Variants in USP21 observed in about 807,000 individuals in gnomAD.
USP21 encodes ubiquitin carboxyl-terminal hydrolase 21.
In USP21, 37 loss-of-function variants were observed where a neutral mutation model predicts 70.8. That is an observed-to-expected ratio of 0.52 (90% confidence interval 0.40 to 0.69). USP21 has a LOEUF of 0.69. Among genes scored for constraint, USP21 ranks in the 30% least tolerant of loss-of-function variants. USP21 has a pLI of 0.00. For missense variants in USP21, 584 were observed against 740.8 expected (o/e 0.79, Z 2.46); for synonymous variants, 263 against 283.1 (o/e 0.93, Z 0.71).
In USP21 at chr1:161,161,143, C is replaced by A. The variant is rs1008016886; in HGVS notation, c.503C>A (p.Thr168Asn). The A allele has an allele frequency of 6.2e-7, 1 of 1,614,102 alleles. No individual in the cohort carries two copies. The highest frequency in any genetic ancestry group is 8.5e-7 in the Non-Finnish European group (1 of 1,179,956). Residue 168 changes from threonine to asparagine, a missense_variant, in exon 3 of 14, where the codon ACC becomes AAC. Around this residue, in one of 4 missense-constraint regions of USP21, gnomAD observed 284 missense variants for 281.0 expected, o/e 1.01. Transcript: ENST00000368002. This position sits in a 1 kb window ranked among gnomAD's most constrained non-coding sequence, Gnocchi z 4.2. ...RRLGGFPGPP[T>N]LFSIRTEPPA... is the part of the protein sequence containing the mutation. Reference sequence around the variant, plus strand: ...CTAGGGGGCTTTCCTGGACCCCCTACCCTGTTCAGCATACGGACAGAGCCC... The same window carrying A: ...CTAGGGGGCTTTCCTGGACCCCCTAACCTGTTCAGCATACGGACAGAGCCC...
Position 161,162,159 on chromosome 1 carries a change from G to A in USP21, c.660+62G>A. ...AATGTGAAATGGTGCTGGGGGTGGGGAAAACCCACGAGCTTGGGGAAGGCA... is the reference window on the plus strand; with the variant it reads ...AATGTGAAATGGTGCTGGGGGTGGGAAAAACCCACGAGCTTGGGGAAGGCA... On this transcript the variant is annotated intron_variant, in intron 4 of 13. Transcript: ENST00000368002. This position sits in a 1 kb window ranked among gnomAD's most constrained non-coding sequence, Gnocchi z 4.1. 6.2e-7 allele frequency: 1 copy of A among 1,613,042 alleles called. No homozygotes were observed. Among genetic ancestry groups the A allele is most frequent in the Non-Finnish European group, 8.5e-7 (1 of 1,179,044 alleles).
chr1:161,159,961 C>G (rs575136968), intron 1 of USP21, among the ~76,000 whole-genome samples: 60 of 152,344 alleles, frequency 3.9e-4, no homozygotes, highest in African/African-American at 1.4e-3. Context: ...TGTTCGTCCT[C>G]CATCCCCGAC....
chr1:161,163,937 A>G lies in USP21; in HGVS notation c.1174A>G (p.Thr392Ala). Residue 392 changes from threonine (T) to alanine (A), a missense_variant, in exon 9 of 14, where the codon ACG (threonine) becomes GCG (alanine). Around this residue, in one of 4 missense-constraint regions of USP21, gnomAD observed 173 missense variants for 268.2 expected, o/e 0.65. Transcript: ENST00000368002. ...GTGCCAGGCCTGTGGGTATCGCTCC[A>G]CGACCTTCGAGGTTTTTTGTGACCT... ...LKCQACGYRSTTFEVFCDLSL... is the reference protein window; with the variant it reads ...LKCQACGYRSATFEVFCDLSL... 1 of 1,614,104 alleles carries G rather than the reference A, an allele frequency of 6.2e-7. No homozygotes were observed. The highest frequency in any genetic ancestry group is 8.5e-7 in the Non-Finnish European group (1 of 1,180,024).
chr1:161,165,644 G>A lies in USP21; in HGVS notation c.*197G>A. ...CTTGTCTCCCAGCCCCATGTACAAA[G>A]CTCACCAAGCCCCTGCCCATGTACA... On this transcript the variant is annotated 3_prime_UTR_variant, in exon 14 of 14. Coordinates refer to ENST00000368002, the MANE Select transcript of USP21 (RefSeq NM_001014443.3). The A allele has an allele frequency of 5.4e-6, 3 of 558,802 alleles. No homozygotes were observed. The highest frequency in any genetic ancestry group is 9.6e-6 in the Non-Finnish European group (3 of 312,240). 34.6% of individuals were successfully genotyped at this position (558,802 alleles called of 1,614,324 possible).
Position 161,160,807 on chromosome 1 carries a change from C to G in USP21, c.167C>G (p.Pro56Arg). ...ATGTTACGACCTCTGCCTCCCCGGC[C>G]AGGTCTGCCTGATGAACGGCTCAAG... ...NPMLRPLPPR[P>R]GLPDERLKKL... The change falls in exon 3 of 14, where the codon CCA (proline) becomes CGA (arginine). Residue 56 changes from proline to arginine, a missense_variant. This residue lies in a region of USP21 where 284 missense variants were observed against 281.0 expected (regional missense o/e 1.01). Transcript: ENST00000368002. 1 of 1,614,250 alleles carries G rather than the reference C, an allele frequency of 6.2e-7. No individual in the cohort carries two copies. The highest frequency in any genetic ancestry group is 8.5e-7 in the Non-Finnish European group (1 of 1,180,054).
At chr1:161,165,276 A>G in intron 13 of USP21, 81 bp from the exon 14 acceptor site, 1 of 1,450,504 alleles carries the variant, frequency 6.9e-7, no homozygotes, top group South Asian at 1.1e-5. Flanking sequence ...CATTTCCTGG[A>G]TGCTCTGAGG....
At position 161,160,495 on chromosome 1, in the gene USP21, G is replaced by A. The variant is rs552527785; in HGVS notation, c.-33G>A. 157 of 1,028,420 alleles carry A rather than the reference G, an allele frequency of 1.5e-4. 2 individuals are homozygous for A. In the South Asian group the frequency reaches 2.2e-3, roughly 15 times the overall value. The allele number at this position is 1,028,420 out of a possible 1,614,324, so 63.7% of individuals were successfully genotyped here. A position where few individuals can be genotyped will look rare whatever the true frequency, so the allele number is the denominator to read the frequency against. On this transcript the variant is annotated 5_prime_UTR_variant, in exon 2 of 14. Coordinates refer to ENST00000368002, the MANE Select transcript of USP21 (RefSeq NM_001014443.3). Reference sequence around the variant, plus strand: ...CACCTAATGTGGAAATGAGAGGACAGCAAGATTGTGGGTATGGAATGGGGC... The same window carrying A: ...CACCTAATGTGGAAATGAGAGGACAACAAGATTGTGGGTATGGAATGGGGC...
rs1657935051 is a variant in USP21 at position 161,161,616 on chromosome 1, A to G, written c.600+376A>G. On this transcript the variant is annotated intron_variant, in intron 3 of 13. Coordinates refer to ENST00000368002, the MANE Select transcript of USP21 (RefSeq NM_001014443.3). The surrounding 1 kb of genome is among the most constrained non-coding windows in gnomAD (Gnocchi z 4.2). Reference sequence around the variant, plus strand: ...AACATCTTAGCAAACGTGGTTGCACATTTTCTGAGCTAAGTAAGCTAGGCT... The same window carrying G: ...AACATCTTAGCAAACGTGGTTGCACGTTTTCTGAGCTAAGTAAGCTAGGCT... 2.8e-6 allele frequency: 1 copy of G among 358,844 alleles called. No homozygotes were observed. The highest frequency in any genetic ancestry group is 2.1e-5 in the African/African-American group (1 of 48,482). The allele number at this position is 358,844 out of a possible 1,614,324, so 22.2% of individuals were successfully genotyped here.
In USP21 at chr1:161,161,167, C is replaced by G. The variant is rs1306606470; in HGVS notation, c.527C>G (p.Pro176Arg). 2.5e-6 allele frequency: 4 copies of G among 1,613,858 alleles called. No individual in the cohort carries two copies. In the South Asian group the frequency reaches 4.4e-5, roughly 18 times the overall value. Residue 176 changes from proline to arginine, a missense_variant, in exon 3 of 14, where the codon CCC (proline) becomes CGC (arginine). Physicochemically the swap from Pro to Arg is moderately radical, Grantham distance 103 (BLOSUM62 -2). Coordinates refer to ENST00000368002, the MANE Select transcript of USP21 (RefSeq NM_001014443.3). The surrounding 1 kb of genome is among the most constrained non-coding windows in gnomAD (Gnocchi z 4.2). ...PPTLFSIRTE[P>R]PASHGSFHMI... is the part of the protein sequence containing the mutation. Reference sequence around the variant, plus strand: ...ACCCTGTTCAGCATACGGACAGAGCCCCCTGCTTCCCATGGCTCCTTCCAC... The same window carrying G: ...ACCCTGTTCAGCATACGGACAGAGCGCCCTGCTTCCCATGGCTCCTTCCAC...
chr1:161,162,748 G>A lies in USP21; in HGVS notation c.893+22G>A. The A allele has an allele frequency of 2.5e-6, 4 of 1,601,338 alleles. No homozygotes were observed. The highest frequency in any genetic ancestry group is 3.4e-6 in the Non-Finnish European group (4 of 1,168,380). The stretch of plus-strand genomic sequence containing the variant: ...ACAGGTGGGAGAGCTGGAGGCTATG[G>A]GATTTCTCTCTGGCCATGTCTGGGG... On this transcript the variant is annotated intron_variant, in intron 6 of 13. Transcript: ENST00000368002. This position sits in a 1 kb window ranked among gnomAD's most constrained non-coding sequence, Gnocchi z 4.1.
Position 161,162,709 on chromosome 1 carries a change from C to T in USP21, c.876C>T (p.Pro292=). 2 of 1,613,746 alleles carry T rather than the reference C, an allele frequency of 1.2e-6. No individual in the cohort carries two copies. Among genetic ancestry groups the T allele is most frequent in the Non-Finnish European group, 1.7e-6 (2 of 1,179,594 alleles). ...RFRAVFQKYV[P]SFSGYSQQDA... The stretch of plus-strand genomic sequence containing the variant: ...GAGCTGTCTTCCAGAAATATGTTCC[C>T]TCCTTCTCTGGATACAGGTGGGAGA... Residue 292 remains proline (P), a synonymous_variant, in exon 6 of 14, where the codon CCC becomes CCT. Coordinates refer to ENST00000368002, the MANE Select transcript of USP21 (RefSeq NM_001014443.3). The surrounding 1 kb of genome is among the most constrained non-coding windows in gnomAD (Gnocchi z 4.1).
At position 161,164,003 on chromosome 1, in the gene USP21, G is replaced by A; in HGVS notation, c.1218+22G>A. The stretch of plus-strand genomic sequence containing the variant: ...CAAGGTGGGATTCCAGAGGATTCCG[G>A]GGTGGACAGGACAGGGGCTCTGTGA... On this transcript the variant is annotated intron_variant, in intron 9 of 13. Coordinates refer to ENST00000368002, the MANE Select transcript of USP21 (RefSeq NM_001014443.3). The surrounding 1 kb of genome is among the most constrained non-coding windows in gnomAD (Gnocchi z 4.2). 1 of 1,610,916 alleles carries A rather than the reference G, an allele frequency of 6.2e-7. No homozygotes were observed. Among genetic ancestry groups the A allele is most frequent in the Non-Finnish European group, 8.5e-7 (1 of 1,177,076 alleles).
chr1:161,163,226 A>G, intron 7 of USP21, 152 bp downstream of exon 7: 2 of 1,016,406 alleles, frequency 2.0e-6, no homozygotes, highest in East Asian at 2.5e-5. Flanking sequence ...AGTAGAAGGA[A>G]GGAAGGAAGA....
At chr1:161,165,225 C>A in intron 13 of USP21, 82 bp downstream of exon 13, 1 of 1,452,388 alleles carries the variant, frequency 6.9e-7, no homozygotes, top group Non-Finnish European at 9.6e-7. Flanking sequence ...TCCAGGAGAG[C>A]AGAGTGCCAG....
At position 161,162,369 on chromosome 1, in the gene USP21, C is replaced by G. The variant is rs758599365; in HGVS notation, c.760C>G (p.Arg254Gly). The change falls in exon 5 of 14, where the codon CGA (arginine) becomes GGA (glycine). Residue 254 changes from arginine to glycine, a missense_variant. Arg to Gly is a moderately radical substitution (Grantham distance 125, BLOSUM62 -2). Around this residue, in one of 4 missense-constraint regions of USP21, gnomAD observed 87 missense variants for 162.4 expected, o/e 0.54. Transcript: ENST00000368002. The surrounding 1 kb of genome is among the most constrained non-coding windows in gnomAD (Gnocchi z 4.1). ...CCGGCAAGAGGTGCCTGGAGGAGGC[C>G]GAGCCCAAGAGCTCACTGAAGGTGG... ...DFRQEVPGGG[R>G]AQELTEAFAD... 1 of 1,611,712 alleles carries G rather than the reference C, an allele frequency of 6.2e-7. No homozygotes were observed. The highest frequency in any genetic ancestry group is 2.2e-5 in the East Asian group (1 of 44,876).
At chr1:161,163,438 A>T in intron 7 of USP21, 117 bp from the exon 8 acceptor site, 1 of 881,276 alleles carries the variant, frequency 1.1e-6, no homozygotes, top group East Asian at 2.5e-5. Context: ...AAATTTAGGG[A>T]AGGAGCAGGG....
In USP21 at chr1:161,161,297, C is replaced by T; in HGVS notation, c.600+57C>T. ...CCCATGTTCCTCTGTGCTTTCCTGCCATCCTCTGCCTTTTCTGTCCCCCAT... is the reference window on the plus strand; with the variant it reads ...CCCATGTTCCTCTGTGCTTTCCTGCTATCCTCTGCCTTTTCTGTCCCCCAT... On this transcript the variant is annotated intron_variant, in intron 3 of 13. Coordinates refer to ENST00000368002, the MANE Select transcript of USP21 (RefSeq NM_001014443.3). This position sits in a 1 kb window ranked among gnomAD's most constrained non-coding sequence, Gnocchi z 4.2. 6.6e-7 allele frequency: 1 copy of T among 1,515,860 alleles called. No homozygotes were observed. The highest frequency in any genetic ancestry group is 8.8e-7 in the Non-Finnish European group (1 of 1,135,382). The allele number at this position is 1,515,860 out of a possible 1,614,324, so 93.9% of individuals were successfully genotyped here. A position where few individuals can be genotyped will look rare whatever the true frequency, so the allele number is the denominator to read the frequency against.
Position 161,160,894 on chromosome 1 carries a change from A to G in USP21, c.254A>G (p.Asp85Gly). The G allele has an allele frequency of 6.2e-7, 1 of 1,614,196 alleles. No homozygotes were observed. Among genetic ancestry groups the G allele is most frequent in the Non-Finnish European group, 8.5e-7 (1 of 1,180,026 alleles). Residue 85 changes from aspartate to glycine, a missense_variant, in exon 3 of 14, where the codon GAT (aspartate) becomes GGT (glycine). Physicochemically the swap from Asp to Gly is moderately conservative, Grantham distance 94. This residue lies in a region of USP21 where 284 missense variants were observed against 281.0 expected (regional missense o/e 1.01). Coordinates refer to ENST00000368002, the MANE Select transcript of USP21 (RefSeq NM_001014443.3). ...CGTCCCAGAGGCCCCCTTCGAGCAGATCATGGGGTTCCCCTGCCTGGCTCA... is the reference window on the plus strand; with the variant it reads ...CGTCCCAGAGGCCCCCTTCGAGCAGGTCATGGGGTTCCCCTGCCTGGCTCA... ...GPRPRGPLRA[D>G]HGVPLPGSPP...
Position 161,161,224 on chromosome 1 carries a change from A to T in USP21, c.584A>T (p.Tyr195Phe). 1 of 1,599,022 alleles carries T rather than the reference A, an allele frequency of 6.3e-7. No individual in the cohort carries two copies. The highest frequency in any genetic ancestry group is 8.5e-7 in the Non-Finnish European group (1 of 1,170,810). The change falls in exon 3 of 14, where the codon TAC becomes TTC. Residue 195 changes from tyrosine (Y) to phenylalanine (F), a missense_variant. Physicochemically the swap from Tyr to Phe is conservative, Grantham distance 22. This residue lies in a region of USP21 where 284 missense variants were observed against 281.0 expected (regional missense o/e 1.01). Transcript: ENST00000368002. This position sits in a 1 kb window ranked among gnomAD's most constrained non-coding sequence, Gnocchi z 4.2. ...TCCGCCCGGTCCTCTGAGCCTTTCT[A>T]CTCTGATGACAAGATGGTGAGGACT... is the stretch of plus-strand genomic sequence containing the variant. ...MISARSSEPFYSDDKMAHHTL... is the reference protein window; with the variant it reads ...MISARSSEPFFSDDKMAHHTL...
Sources: gnomAD v4.1 joint callset for allele counts (sites outside exome capture counted in the v4.1 genomes callset) on GRCh38, gnomAD v4.1.1 for gene constraint, gnomAD v4.1.1 regional missense constraint, Gnocchi (gnomAD v3.1) non-coding constraint, MANE v1.5 for transcripts, NCBI Gene and HGNC (gene_info 2026-07-23, HGNC 2026-07-21) for gene names.